Variants in FNDC3A observed in about 807,000 individuals in gnomAD.
FNDC3A encodes fibronectin type III domain containing 3A, also known as fibronectin type-III domain-containing protein 3A.
A neutral mutation model predicts 148.9 loss-of-function variants in FNDC3A; 32 were observed. The observed-to-expected ratio is 0.21, with a 90% CI of 0.16 to 0.29. FNDC3A has a LOEUF of 0.29. FNDC3A is among the 10% of genes least tolerant of loss of function. The pLI is 1.00. For missense variants in FNDC3A, 1,191 were observed against 1,452.8 expected, an observed-to-expected ratio of 0.82 and a Z score of 2.93; for synonymous variants, 472 against 473.6, an observed-to-expected ratio of 1.00 and a Z score of 0.04.
chr13:49,087,942 T>G (rs1878921249), intron 3 of FNDC3A, among the ~76,000 whole-genome samples: 1 of 152,050 alleles, frequency 6.6e-6, no homozygotes, highest in Non-Finnish European at 1.5e-5. Context: ...AGAAGAAAGG[T>G]GTTGCTATCT....
rs182951954 is a variant in FNDC3A at position 49,091,768 on chromosome 13, A to G, written c.175+16404A>G. ...AGGCAGGGTGGCAGGAGTGGAGACT[A>G]TGGGCATTTGAGCCACTTCCTCATG... is the stretch of plus-strand genomic sequence containing the variant. On this transcript the variant is annotated intron_variant, in intron 3 of 25. Transcript: ENST00000492622. 2.0e-5 allele frequency among the ~76,000 whole-genome samples: 3 copies of G among 152,284 alleles called. No homozygotes were observed. The East Asian group carries it at 5.8e-4, about 29-fold the overall frequency.
intron 2 of FNDC3A, among the ~76,000 whole-genome samples, chr13:49,069,318 C>G (rs1011727560): frequency 6.6e-6 from 1 of 152,114 alleles, no homozygotes; most frequent in African/African-American, 2.4e-5. Context: ...TGGCACTACC[C>G]TGCTTAAATA....
chr13:48,996,376 C>G (rs1444772672), intron 1 of FNDC3A, among the ~76,000 whole-genome samples: 1 of 152,106 alleles, frequency 6.6e-6, no homozygotes, highest in Non-Finnish European at 1.5e-5. Context: ...GTTTCACATC[C>G]ATGGAGTCAA....
At chr13:48,983,774 T>C (rs79092156) in intron 1 of FNDC3A, among the ~76,000 whole-genome samples, 2,170 of 152,314 alleles carry the variant, frequency 0.014, 46 homozygotes, top group East Asian at 0.083. Context: ...CGGTAGATAC[T>C]ATTATCACCA....
At chr13:49,023,373 C>T (rs991324112) in intron 2 of FNDC3A, among the ~76,000 whole-genome samples, 1 of 151,550 alleles carries the variant, frequency 6.6e-6, no homozygotes, top group Admixed American at 6.6e-5. Flanking sequence ...CAGTAAAATA[C>T]TTTCATGTAA....
At chr13:49,112,445 A>G (rs969156521) in intron 3 of FNDC3A, among the ~76,000 whole-genome samples, 1 of 152,218 alleles carries the variant, frequency 6.6e-6, no homozygotes, top group Admixed American at 6.5e-5. Context: ...AGAGGTATAA[A>G]GCAGCTCACA....
chr13:48,989,000 A>G (rs967513010), intron 1 of FNDC3A, among the ~76,000 whole-genome samples: 10 of 152,238 alleles, frequency 6.6e-5, no homozygotes, highest in Non-Finnish European at 1.5e-4. Flanking sequence ...AAGATTGTAT[A>G]TAGAACAGTA....
At position 49,092,902 on chromosome 13, in the gene FNDC3A, T is replaced by C. The variant is rs569506625; in HGVS notation, c.175+17538T>C. Reference sequence around the variant, plus strand: ...CAGAGTCCATCTTTAATAATGTAATTAGGTGCTCATTGTCTGCCAAGATTG... The same window carrying C: ...CAGAGTCCATCTTTAATAATGTAATCAGGTGCTCATTGTCTGCCAAGATTG... On this transcript the variant is annotated intron_variant, in intron 3 of 25. Coordinates refer to ENST00000492622, the MANE Select transcript of FNDC3A (RefSeq NM_001079673.2). Among the ~76,000 whole-genome samples, 4 of 152,328 alleles carry C rather than the reference T, an allele frequency of 2.6e-5. No homozygotes were observed. The East Asian group carries it at 5.8e-4, about 22-fold the overall frequency.
rs1368936349 is a variant in FNDC3A, at chr13:49,168,503, A to ACTTGATGAAAACAGGATG, written c.1038-110_1038-109insCTTGATGAAAACAGGATG. 1.1e-5 allele frequency: 7 copies of ACTTGATGAAAACAGGATG among 640,036 alleles called. No homozygotes were observed. The Admixed American group carries it at 1.8e-4, about 16-fold the overall frequency. 39.6% of individuals were successfully genotyped at this position (640,036 alleles called of 1,614,324 possible). ...TACTTCTAATAGTCATATTTTCTTG[A>ACTTGATGAAAACAGGATG]TAGAACTTTTAGTGGACACCTTCCT... On this transcript the variant is annotated intron_variant, in intron 9 of 25. Coordinates refer to ENST00000492622, the MANE Select transcript of FNDC3A (RefSeq NM_001079673.2).
chr13:49,143,432 T>G (rs1055041011), intron 7 of FNDC3A, among the ~76,000 whole-genome samples: 2 of 152,188 alleles, frequency 1.3e-5, no homozygotes, highest in South Asian at 2.1e-4. Context: ...TTTTTAAAAC[T>G]ATGTTTGCTA....
upstream of FNDC3A, chr13:48,975,305 G>C (rs1282484155): frequency 6.6e-6 from 1 of 152,196 alleles, no homozygotes; most frequent in Non-Finnish European, 1.5e-5. Context: ...GTAAGTCTTC[G>C]TGCTGTTGTA....
intron 2 of FNDC3A, among the ~76,000 whole-genome samples, chr13:49,022,001 C>G (rs2137643614): frequency 6.6e-6 from 1 of 152,258 alleles, no homozygotes; most frequent in African/African-American, 2.4e-5. Context: ...AAACTATGTT[C>G]AAAGCCTGCT....
chr13:49,148,778 T>C (rs1883131171), intron 8 of FNDC3A, among the ~76,000 whole-genome samples: 1 of 152,214 alleles, frequency 6.6e-6, no homozygotes, highest in Admixed American at 6.5e-5. Context: ...CCATTGAATA[T>C]AAATTGCTTT....
chr13:48,979,488 A>G (rs578247891), intron 1 of FNDC3A, among the ~76,000 whole-genome samples: 22 of 152,240 alleles, frequency 1.4e-4, no homozygotes, highest in African/African-American at 5.1e-4. Flanking sequence ...GTAGTAGTAG[A>G]ATAAGTAGTC....
chr13:49,114,699 C>T lies in FNDC3A; in HGVS notation c.220C>T (p.Pro74Ser), dbSNP rs754050328. The change falls in exon 4 of 26, where the codon CCT becomes TCT. Residue 74 changes from proline (P) to serine (S), a missense_variant. By Grantham distance (74) the Pro-to-Ser change is moderately conservative. Around this residue, in one of 3 missense-constraint regions of FNDC3A, gnomAD observed 426 missense variants for 473.2 expected, o/e 0.90. Coordinates refer to ENST00000492622, the MANE Select transcript of FNDC3A (RefSeq NM_001079673.2). ...GATGTCCCCAAATGGTTCTGTGCCT[C>T]CTATCTATGTGCCTCCTGGATATGC... ...PMMSPNGSVPPIYVPPGYAPQ... is the reference protein window; with the variant it reads ...PMMSPNGSVPSIYVPPGYAPQ... 6.2e-7 allele frequency: 1 copy of T among 1,613,142 alleles called. No individual in the cohort carries two copies. Among genetic ancestry groups the T allele is most frequent in the Non-Finnish European group, 8.5e-7 (1 of 1,179,156 alleles).
intron 3 of FNDC3A, among the ~76,000 whole-genome samples, chr13:49,081,387 G>T (rs943433172): frequency 1.3e-5 from 2 of 152,120 alleles, no homozygotes; most frequent in African/African-American, 4.8e-5. Context: ...AAATATTGAT[G>T]ATTATTTAAT....
chr13:49,027,558 A>G (rs922736670), intron 2 of FNDC3A, among the ~76,000 whole-genome samples: 7 of 152,226 alleles, frequency 4.6e-5, no homozygotes, highest in African/African-American at 1.7e-4. Context: ...AATTAGTGTT[A>G]TAGCACAGAG....
chr13:49,180,616 T>C (rs777401070), intron 14 of FNDC3A, among the ~76,000 whole-genome samples: 3 of 152,248 alleles, frequency 2.0e-5, no homozygotes, highest in Non-Finnish European at 4.4e-5. Context: ...TTGTAATTTG[T>C]TAAGTTTATG....
At chr13:49,065,464 T>G (rs975405756) in intron 2 of FNDC3A, among the ~76,000 whole-genome samples, 1 of 152,228 alleles carries the variant, frequency 6.6e-6, no homozygotes, top group Non-Finnish European at 1.5e-5. Context: ...CCTATTTATC[T>G]GTTTATTGCC....
Sources: allele counts gnomAD v4.1 joint callset (sites outside exome capture counted in the v4.1 genomes callset), GRCh38; gene constraint gnomAD v4.1.1; regional missense constraint gnomAD v4.1.1; transcripts MANE v1.5; gene names NCBI Gene and HGNC (gene_info 2026-07-23, HGNC 2026-07-21).